The following UGGT2 variants were observed in gnomAD, a reference collection of about 807,000 sequenced individuals.
UGGT2 encodes UDP-glucose:glycoprotein glucosyltransferase 2.
In UGGT2, 180 loss-of-function variants were observed where a neutral mutation model predicts 192.1. The observed-to-expected ratio is 0.94, with a 90% CI of 0.83 to 1.06. UGGT2 has a LOEUF of 1.06. Among genes scored for constraint, UGGT2 ranks in the 50% least tolerant of loss-of-function variants. The pLI is 0.00. For missense variants in UGGT2, 1,849 were observed against 1,795.7 expected, an observed-to-expected ratio of 1.03 and a Z score of -0.54; for synonymous variants, 580 against 591.0, an observed-to-expected ratio of 0.98 and a Z score of 0.27.
intron 22 of UGGT2, among the ~76,000 whole-genome samples, chr13:95,896,826 T>C (rs2047960396): frequency 1.3e-5 from 2 of 152,116 alleles, no homozygotes; most frequent in South Asian, 4.1e-4. Flanking sequence ...AAAATTATGT[T>C]GCTTAAATCT....
chr13:95,816,360 C>T (rs1328972188), intron 38 of UGGT2, among the ~76,000 whole-genome samples: 1 of 152,148 alleles, frequency 6.6e-6, no homozygotes, highest in African/African-American at 2.4e-5. Flanking sequence ...AAAACAGCTT[C>T]TCAGCCTCTT....
At chr13:95,813,949 G>A (rs1884694432) in intron 38 of UGGT2, among the ~76,000 whole-genome samples, 1 of 152,210 alleles carries the variant, frequency 6.6e-6, no homozygotes, top group South Asian at 2.1e-4. Flanking sequence ...TAGCCTCAGT[G>A]GCTGGCATGT....
At chr13:95,919,151 T>G (rs2048768360) in intron 20 of UGGT2, among the ~76,000 whole-genome samples, 1 of 152,084 alleles carries the variant, frequency 6.6e-6, no homozygotes, top group Admixed American at 6.6e-5. Flanking sequence ...AAGAAAAGCC[T>G]TTGATAAAAT....
chr13:95,908,429 C>T (rs1315419731), intron 20 of UGGT2, among the ~76,000 whole-genome samples: 1 of 152,130 alleles, frequency 6.6e-6, no homozygotes, highest in African/African-American at 2.4e-5. Flanking sequence ...AGAAGAACAA[C>T]CCCAAGACAC....
chr13:95,836,007 C>A (rs1022437496), intron 37 of UGGT2, among the ~76,000 whole-genome samples: 2 of 152,236 alleles, frequency 1.3e-5, no homozygotes, highest in African/African-American at 4.8e-5. Flanking sequence ...AAGATGATAG[C>A]TAATCCACAA....
chr13:95,849,295 G>A (rs535495786), intron 36 of UGGT2, among the ~76,000 whole-genome samples: 2 of 152,052 alleles, frequency 1.3e-5, no homozygotes, highest in South Asian at 4.2e-4. Context: ...CCAGCACTTT[G>A]GGAGGCCAAG....
At chr13:96,029,152 A>G (rs2052755254) in intron 2 of UGGT2, among the ~76,000 whole-genome samples, 1 of 152,108 alleles carries the variant, frequency 6.6e-6, no homozygotes, top group Admixed American at 6.5e-5. Flanking sequence ...CACCGTCTCA[A>G]AAAAAAATCT....
intron 11 of UGGT2, among the ~76,000 whole-genome samples, chr13:95,971,492 G>C (rs968748249): frequency 1.3e-5 from 2 of 151,648 alleles, no homozygotes; most frequent in African/African-American, 4.8e-5. Context: ...GAGCTGGGGG[G>C]TTTTATTTTT....
chr13:95,985,309 A>G, intron 9 of UGGT2: 1 of 1,291,906 alleles, frequency 7.7e-7, no homozygotes, highest in Non-Finnish European at 1.0e-6. Context: ...GTTGACTGAA[A>G]GAGGCATATC....
intron 22 of UGGT2, among the ~76,000 whole-genome samples, chr13:95,896,392 CTATAA>C (rs1339568524): frequency 6.6e-6 from 1 of 151,984 alleles, no homozygotes; most frequent in Non-Finnish European, 1.5e-5. Flanking sequence ...AAAATGGGCA[CTATAA>C]TACTAAAAGT....
intron 17 of UGGT2, among the ~76,000 whole-genome samples, chr13:95,931,652 G>A (rs2049275817): frequency 6.6e-6 from 1 of 152,086 alleles, no homozygotes; most frequent in Non-Finnish European, 1.5e-5. Flanking sequence ...GCACAGTGCT[G>A]GCCCAGCGCA....
chr13:95,896,391 A>G (rs1271608890), intron 22 of UGGT2, among the ~76,000 whole-genome samples: 1 of 152,096 alleles, frequency 6.6e-6, no homozygotes, highest in East Asian at 1.9e-4. Context: ...AAAAATGGGC[A>G]CTATAATACT....
chr13:95,901,388 T>C (rs2048100369), intron 21 of UGGT2, among the ~76,000 whole-genome samples: 1 of 152,108 alleles, frequency 6.6e-6, no homozygotes, highest in Admixed American at 6.6e-5. Context: ...TATTTAAATA[T>C]GGAAATAATA....
chr13:96,047,942 A>T (rs2053367127), intron 1 of UGGT2, among the ~76,000 whole-genome samples: 2 of 152,164 alleles, frequency 1.3e-5, no homozygotes, highest in South Asian at 4.1e-4. Flanking sequence ...CAGAAAGTTA[A>T]CAAGGATATC....
chr13:95,951,180 G>T (rs953981035), intron 12 of UGGT2, among the ~76,000 whole-genome samples: 2 of 151,918 alleles, frequency 1.3e-5, no homozygotes, highest in Non-Finnish European at 2.9e-5. Flanking sequence ...TAAAAGAAAC[G>T]ATGTCTAAAT....
At chr13:95,989,463 C>A in intron 8 of UGGT2, 1 of 233,836 alleles carries the variant, frequency 4.3e-6, no homozygotes, top group South Asian at 4.1e-5. Context: ...CAAACCAAAT[C>A]AAATTTTGTT....
At chr13:95,911,045 C>A (rs1040830416) in intron 20 of UGGT2, among the ~76,000 whole-genome samples, 1 of 152,100 alleles carries the variant, frequency 6.6e-6, no homozygotes, top group Non-Finnish European at 1.5e-5. Flanking sequence ...CCAACGAAAA[C>A]AAAGACACAA....
At chr13:95,892,306 G>T (rs866188753) in intron 24 of UGGT2, among the ~76,000 whole-genome samples, 1 of 152,056 alleles carries the variant, frequency 6.6e-6, no homozygotes, top group Non-Finnish European at 1.5e-5. Context: ...CCCACTAGTA[G>T]ATAGTACACT....
At chr13:95,822,573 T>C (rs1341276789) in intron 38 of UGGT2, among the ~76,000 whole-genome samples, 3 of 152,038 alleles carry the variant, frequency 2.0e-5, no homozygotes, top group Non-Finnish European at 4.4e-5. Flanking sequence ...GGACTTCCAG[T>C]ACTATGCTAA....
Sources: allele counts gnomAD v4.1 joint callset (sites outside exome capture counted in the v4.1 genomes callset), GRCh38; gene constraint gnomAD v4.1.1; transcripts MANE v1.5; gene names NCBI Gene and HGNC (gene_info 2026-07-23, HGNC 2026-07-21).